The following UNC93B1 variants were observed in gnomAD, a reference collection of about 807,000 sequenced individuals.
UNC93B1 encodes unc-93B1 regulator of TLR signaling.
UNC93B1 carries 33 observed loss-of-function variants against 56.8 expected under a neutral mutation model. The ratio of observed to expected loss-of-function variants is 0.58; its 90% CI spans 0.44 to 0.78. The LOEUF (loss-of-function observed/expected upper bound fraction) is 0.78. Among genes scored for constraint, UNC93B1 ranks in the 30% least tolerant of loss-of-function variants. The pLI is 0.00. For synonymous variants in UNC93B1, 334 were observed against 358.6 expected, an observed-to-expected ratio of 0.93 and a Z score of 0.77; for missense variants, 673 against 819.5, an observed-to-expected ratio of 0.82 and a Z score of 2.18.
chr11:67,997,413 C>T, intron 7 of UNC93B1: 4 of 559,098 alleles, frequency 7.2e-6, no homozygotes, highest in South Asian at 4.2e-5. Context: ...GTGGACCAAG[C>T]CTGTTCCCTC....
rs761157003 is a variant in UNC93B1, at chr11:67,997,759, C to T, written c.822G>A (p.Thr274=). 1.2e-6 allele frequency: 2 copies of T among 1,610,400 alleles called. No homozygotes were observed. Among genetic ancestry groups the T allele is most frequent in the South Asian group, 1.1e-5 (1 of 91,036 alleles). ...CGCTCCGCGGGAGCGTCCGCAGAAC[C>T]GTCTTGTTGAAGCCGCTGAGGATCC... The part of the protein sequence containing the change: ...SHGILSGFNK[T]VLRTLPRSGN... The change falls in exon 7 of 11, where the codon ACG becomes ACA. Residue 274 remains threonine, a synonymous_variant. Transcript: ENST00000227471.
chr11:67,998,795 G>C (rs1440418504), intron 5 of UNC93B1, among the ~76,000 whole-genome samples: 1 of 152,156 alleles, frequency 6.6e-6, no homozygotes, highest in African/African-American at 2.4e-5. Flanking sequence ...TACTCAGAAG[G>C]CTGAGGTAGG....
chr11:67,996,552 A>C (rs1423189928), intron 8 of UNC93B1, 50 bp downstream of exon 8: 2 of 1,480,918 alleles, frequency 1.4e-6, no homozygotes, highest in South Asian at 1.3e-5. Flanking sequence ...ATTCAAATTT[A>C]CCTGGCTATC....
In UNC93B1 at chr11:68,003,974, C is replaced by G. The variant is rs1458671983; in HGVS notation, c.70G>C (p.Gly24Arg). 1.1e-5 allele frequency: 15 copies of G among 1,398,792 alleles called. No homozygotes were observed. The African/African-American group carries it at 1.5e-4, about 14-fold the overall frequency. 86.6% of individuals were successfully genotyped at this position (1,398,792 alleles called of 1,614,324 possible). A position where few individuals can be genotyped will look rare whatever the true frequency, so the allele number is the denominator to read the frequency against. ...AGPQGDEDLL[G>R]VPDGPEAPLD... ...GGGGCCTCGGGCCCGTCCGGGACCC[C>G]GAGCAGGTCCTCGTCGCCCTGCGGC... The change falls in exon 1 of 11, where the codon GGG becomes CGG. Residue 24 changes from glycine to arginine, a missense_variant. Physicochemically the swap from Gly to Arg is moderately radical, Grantham distance 125 (BLOSUM62 -2). Coordinates refer to ENST00000227471, the MANE Select transcript of UNC93B1 (RefSeq NM_030930.4). The surrounding 1 kb of genome is among the most constrained non-coding windows in gnomAD (Gnocchi z 4.4).
Position 68,003,543 on chromosome 11 carries a change from C to A in UNC93B1, c.238+114G>T, listed in dbSNP as rs1857081050. 8.0e-6 allele frequency: 11 copies of A among 1,380,294 alleles called. No homozygotes were observed. Among genetic ancestry groups the A allele is most frequent in the Non-Finnish European group, 1.0e-5 (11 of 1,062,256 alleles). The allele number at this position is 1,380,294 out of a possible 1,614,324, so 85.5% of individuals were successfully genotyped here. ...CCGCGGGGGGCCGTGGCTGCAGCTG[C>A]GAGGGCAGCGGAGGGGAAGTGAGAG... On this transcript the variant is annotated intron_variant, in intron 2 of 10. Transcript: ENST00000227471. The surrounding 1 kb of genome is among the most constrained non-coding windows in gnomAD (Gnocchi z 4.4).
intron 8 of UNC93B1, 49 bp from the exon 9 acceptor site, chr11:67,995,933 A>G (rs375352397): frequency 4.9e-4 from 691 of 1,412,690 alleles, no homozygotes; most frequent in Non-Finnish European, 6.0e-4. Context: ...AGCCCAGACC[A>G]CAGTCTCAGC....
chr11:68,001,436 CG>C lies in UNC93B1; in HGVS notation c.392+1585del, dbSNP rs377333927. ...ATCCCAACACTTTGTGGGGCTGGGG[CG>C]GGTGAATTTGAGACTGGCCTGAGCA... On this transcript the variant is annotated intron_variant, in intron 3 of 10. Transcript: ENST00000227471. Among the ~76,000 whole-genome samples, 73 of 151,976 alleles carry C rather than the reference CG, an allele frequency of 4.8e-4. 4 individuals carry two copies. In the East Asian group the frequency reaches 8.5e-3, roughly 18 times the overall value.
In UNC93B1 at chr11:67,999,732, G is replaced by A. The variant is rs376288283; in HGVS notation, c.393-52C>T. ...ACCACAGGCCTGCTGGACCACTGTG[G>A]CCTGAAGCCAAACGGGGCCACAACC... On this transcript the variant is annotated intron_variant, in intron 3 of 10. Transcript: ENST00000227471. The A allele has an allele frequency of 7.2e-4, 1,139 of 1,584,688 alleles. 1 individual carries two copies. Among genetic ancestry groups the A allele is most frequent in the Non-Finnish European group, 9.4e-4 (1,096 of 1,166,000 alleles).
intron 7 of UNC93B1, 78 bp from the exon 8 acceptor site, chr11:67,996,862 CA>C: frequency 7.0e-7 from 1 of 1,429,154 alleles, no homozygotes; most frequent in Non-Finnish European, 9.2e-7. Flanking sequence ...CCTTCAGATG[CA>C]CCACGTGCCT....
At chr11:68,000,507 A>T (rs1183182600) in intron 3 of UNC93B1, among the ~76,000 whole-genome samples, 1 of 152,050 alleles carries the variant, frequency 6.6e-6, no homozygotes, top group African/African-American at 2.4e-5. Flanking sequence ...TCTACTAAAA[A>T]TACAAAAATT....
At chr11:67,997,273 CG>C (rs1856964883) in intron 7 of UNC93B1, among the ~76,000 whole-genome samples, 1 of 151,548 alleles carries the variant, frequency 6.6e-6, no homozygotes, top group South Asian at 2.1e-4. Context: ...AGCATGCCAA[CG>C]CCTTAGTTCT....
At position 67,997,720 on chromosome 11, in the gene UNC93B1, C is replaced by G. The variant is rs745808352; in HGVS notation, c.861G>C (p.Val287=). 2 of 1,609,010 alleles carry G rather than the reference C, an allele frequency of 1.2e-6. No homozygotes were observed. Among genetic ancestry groups the G allele is most frequent in the South Asian group, 1.1e-5 (1 of 91,076 alleles). Residue 287 remains valine, a synonymous_variant, in exon 7 of 11, where the codon GTG becomes GTC. Coordinates refer to ENST00000227471, the MANE Select transcript of UNC93B1 (RefSeq NM_030930.4). ...RTLPRSGNLI[V]VESVLMAVAF... ...CCACTGCCATGAGCACGCTCTCCAC[C>G]ACAATGAGGTTTCCGCTCCGCGGGA... is the stretch of plus-strand genomic sequence containing the variant.
chr11:67,998,253 G>C (rs1202873083), intron 6 of UNC93B1, 106 bp downstream of exon 6: 1 of 1,299,084 alleles, frequency 7.7e-7, no homozygotes, highest in East Asian at 2.3e-5. Context: ...CCAGAGCCGT[G>C]GGGCACTGGG....
chr11:67,997,934 C>T, intron 6 of UNC93B1, 135 bp from the exon 7 acceptor site: 1 of 1,356,942 alleles, frequency 7.4e-7, no homozygotes, highest in Non-Finnish European at 1.0e-6. Context: ...AGAGTTCCTT[C>T]AGAGAGCAGT....
rs1259991700 is a variant in UNC93B1, at chr11:67,995,732, C to G, written c.1242G>C (p.Leu414=). 21 of 1,548,436 alleles carry G rather than the reference C, an allele frequency of 1.4e-5. No individual in the cohort carries two copies. The East Asian group carries it at 2.4e-4, about 18-fold the overall frequency. Residue 414 remains leucine (L), a synonymous_variant, in exon 9 of 11, where the codon CTG becomes CTC. Coordinates refer to ENST00000227471, the MANE Select transcript of UNC93B1 (RefSeq NM_030930.4). ...CCCAGAAAAAGAGGATGAAGGTGAG[C>G]AGCAGGTGCACCCCTGCTCCGGCCA... ...PLVAGAGVHL[L]LTFILFFWAP... is the part of the protein sequence containing the mutation.
rs2134368982 is a variant in UNC93B1, at chr11:68,004,081, A to C, written c.-38T>G. 3 of 1,292,620 alleles carry C rather than the reference A, an allele frequency of 2.3e-6. No homozygotes were observed. The highest frequency in any genetic ancestry group is 3.2e-5 in the East Asian group (1 of 30,814). The allele number at this position is 1,292,620 out of a possible 1,614,324, so 80.1% of individuals were successfully genotyped here. A position where few individuals can be genotyped will look rare whatever the true frequency, so the allele number is the denominator to read the frequency against. On this transcript the variant is annotated 5_prime_UTR_variant, in exon 1 of 11. Coordinates refer to ENST00000227471, the MANE Select transcript of UNC93B1 (RefSeq NM_030930.4). ...TGCGGACTCGCGGCGGTCGCCCCGG[A>C]GTCCCTGCGACCGCCCGGCCACTTC...
In UNC93B1 at chr11:68,003,245, A is replaced by C; in HGVS notation, c.239-70T>G. 6.8e-7 allele frequency: 1 copy of C among 1,461,136 alleles called. No individual in the cohort carries two copies. Among genetic ancestry groups the C allele is most frequent in the Non-Finnish European group, 9.1e-7 (1 of 1,103,550 alleles). 90.5% of individuals were successfully genotyped at this position (1,461,136 alleles called of 1,614,324 possible). A position where few individuals can be genotyped will look rare whatever the true frequency, so the allele number is the denominator to read the frequency against. On this transcript the variant is annotated intron_variant, in intron 2 of 10. Transcript: ENST00000227471. The surrounding 1 kb of genome is among the most constrained non-coding windows in gnomAD (Gnocchi z 4.4). ...TGGGCGCCACCGAGCAGAAGACGGCATGCAGGCCTCGCAGGGAGCTCCAAT... is the reference window on the plus strand; with the variant it reads ...TGGGCGCCACCGAGCAGAAGACGGCCTGCAGGCCTCGCAGGGAGCTCCAAT...
At chr11:67,991,938 G>A in intron 10 of UNC93B1, 81 bp from the exon 11 acceptor site, 22 of 1,424,378 alleles carry the variant, frequency 1.5e-5, no homozygotes, top group Non-Finnish European at 1.9e-5. Flanking sequence ...CGCTGAGATA[G>A]GCCCTTCCCT....
chr11:67,992,067 G>A (rs1590757665), intron 10 of UNC93B1, among the ~76,000 whole-genome samples: 1 of 152,248 alleles, frequency 6.6e-6, no homozygotes, highest in African/African-American at 2.4e-5. Context: ...CAGTCGCCAC[G>A]CCCCTGGCGA....
Sources: allele counts gnomAD v4.1 joint callset (sites outside exome capture counted in the v4.1 genomes callset), GRCh38; gene constraint gnomAD v4.1.1; non-coding constraint Gnocchi (gnomAD v3.1); transcripts MANE v1.5; gene names NCBI Gene and HGNC (gene_info 2026-07-23, HGNC 2026-07-21).